Variants in DIAPH1 observed in about 807,000 individuals in gnomAD.
DIAPH1 encodes the protein protein diaphanous homolog 1.
DIAPH1 carries 46 observed loss-of-function variants against 140.7 expected under a neutral mutation model. The observed-to-expected ratio is 0.33, with a 90% CI of 0.26 to 0.42. The LOEUF (loss-of-function observed/expected upper bound fraction) is 0.42. DIAPH1 is among the 10% of genes least tolerant of loss of function. The probability of loss-of-function intolerance (pLI) is 1.00; values close to 1 mark genes in which losing one functional copy is unlikely to be tolerated. For missense variants in DIAPH1, 1,310 were observed against 1,558.7 expected (o/e 0.84, Z 2.69); for synonymous variants, 565 against 551.6 (o/e 1.02, Z -0.34).
At chr5:141,559,857 C>A (rs1416858787) in intron 18 of DIAPH1, among the ~76,000 whole-genome samples, 1 of 152,138 alleles carries the variant, frequency 6.6e-6, no homozygotes, top group African/African-American at 2.4e-5. Context: ...AAATAAAACT[C>A]TTTTCCTGGA....
chr5:141,601,256 A>T (rs2099900107), intron 1 of DIAPH1, among the ~76,000 whole-genome samples: 1 of 151,180 alleles, frequency 6.6e-6, no homozygotes, highest in African/African-American at 2.4e-5. Context: ...AAATAAAATA[A>T]AAATAAAATC....
At chr5:141,597,206 G>A (rs1279611922) in intron 1 of DIAPH1, among the ~76,000 whole-genome samples, 1 of 152,088 alleles carries the variant, frequency 6.6e-6, no homozygotes, top group Non-Finnish European at 1.5e-5. Flanking sequence ...ATTATTCAAA[G>A]GCATATAATG....
At chr5:141,589,729 T>C (rs1436999774) in intron 1 of DIAPH1, among the ~76,000 whole-genome samples, 1 of 152,126 alleles carries the variant, frequency 6.6e-6, no homozygotes, top group Non-Finnish European at 1.5e-5. Flanking sequence ...ATGGATCATA[T>C]GACTGTCCAG....
At chr5:141,527,527 T>C (rs756130088) in intron 24 of DIAPH1, 46 bp downstream of exon 24, 1 of 1,608,912 alleles carries the variant, frequency 6.2e-7, no homozygotes. Flanking sequence ...CAGGAAGTTT[T>C]CTTTCCCTTC....
intron 1 of DIAPH1, among the ~76,000 whole-genome samples, chr5:141,588,757 C>T (rs560797178): frequency 2.6e-5 from 4 of 152,294 alleles, no homozygotes; most frequent in Admixed American, 1.3e-4. Context: ...TACAACGCAA[C>T]ACATCAATTT....
At chr5:141,538,498 A>C (rs950203365) in intron 18 of DIAPH1, among the ~76,000 whole-genome samples, 15 of 151,468 alleles carry the variant, frequency 9.9e-5, no homozygotes, top group Non-Finnish European at 1.9e-4. Context: ...GATTATAGGT[A>C]CCCACCACCA....
intron 19 of DIAPH1, 91 bp downstream of exon 19, chr5:141,534,244 T>A: frequency 9.9e-7 from 1 of 1,008,776 alleles, no homozygotes; most frequent in South Asian, 1.3e-5. Context: ...CAATTAAAGT[T>A]CCATATCAAG....
At chr5:141,576,371 AAC>A in intron 13 of DIAPH1, 77 bp from the exon 14 acceptor site, 1 of 1,131,918 alleles carries the variant, frequency 8.8e-7, no homozygotes, top group Non-Finnish European at 1.3e-6. Flanking sequence ...CCTTCCAAAG[AAC>A]AGTCTTTTTG....
intron 24 of DIAPH1, among the ~76,000 whole-genome samples, chr5:141,527,301 G>C (rs1206936443): frequency 6.6e-6 from 1 of 152,134 alleles, no homozygotes; most frequent in Non-Finnish European, 1.5e-5. Context: ...TGTAGTCCCA[G>C]CTACCAAGGA....
intron 3 of DIAPH1, among the ~76,000 whole-genome samples, chr5:141,586,084 C>T (rs2099897498): frequency 6.6e-6 from 1 of 152,152 alleles, no homozygotes; most frequent in African/African-American, 2.4e-5. Flanking sequence ...ATGCCAAAAG[C>T]CTCTCTTCAA....
At chr5:141,528,392 GT>G in intron 23 of DIAPH1, 60 bp downstream of exon 23, 1 of 1,610,390 alleles carries the variant, frequency 6.2e-7, no homozygotes, top group Non-Finnish European at 8.5e-7. Flanking sequence ...TCTAGACTGT[GT>G]CTTATTTCCC....
At chr5:141,518,735 C>T in intron 27 of DIAPH1, 1 of 606,322 alleles carries the variant, frequency 1.6e-6, no homozygotes, top group Non-Finnish European at 2.9e-6. Flanking sequence ...GTTGTCTAGG[C>T]TGGTCTTGAA....
intron 19 of DIAPH1, among the ~76,000 whole-genome samples, chr5:141,531,605 A>C (rs1423089471): frequency 6.6e-6 from 1 of 152,122 alleles, no homozygotes; most frequent in African/African-American, 2.4e-5. Flanking sequence ...CTCCTGCCTC[A>C]GCCCCATGAG....
chr5:141,612,393 G>C lies in DIAPH1; in HGVS notation c.117+6405C>G, dbSNP rs548452875. On this transcript the variant is annotated intron_variant, in intron 1 of 27. Coordinates refer to ENST00000389054, the MANE Select transcript of DIAPH1 (RefSeq NM_005219.5). ...ACAAAAACTGCACTCCCAAAACTGG[G>C]AACACCCCAAATGTCCATCAATAGG... is the stretch of plus-strand genomic sequence containing the variant. Among the ~76,000 whole-genome samples, 26 of 152,254 alleles carry C rather than the reference G, an allele frequency of 1.7e-4. No homozygotes were observed. In the East Asian group the frequency reaches 3.9e-3, roughly 23 times the overall value.
At chr5:141,530,662 C>T (rs2099888077) in intron 19 of DIAPH1, among the ~76,000 whole-genome samples, 1 of 152,118 alleles carries the variant, frequency 6.6e-6, no homozygotes, top group Admixed American at 6.5e-5. Context: ...CCAGGAAGAC[C>T]CTGCTCCTCT....
At chr5:141,536,156 G>A (rs2099888982) in intron 18 of DIAPH1, 2 of 374,138 alleles carry the variant, frequency 5.3e-6, no homozygotes, top group Admixed American at 6.9e-5. Flanking sequence ...TCAAAAATTA[G>A]CCGGGCATGG....
chr5:141,612,580 C>T (rs1001710214), intron 1 of DIAPH1, among the ~76,000 whole-genome samples: 2 of 152,106 alleles, frequency 1.3e-5, no homozygotes, highest in Non-Finnish European at 2.9e-5. Context: ...TTCTAGAAAA[C>T]ACAAACTAAT....
chr5:141,519,142 G>C, intron 27 of DIAPH1: 1 of 766,052 alleles, frequency 1.3e-6, no homozygotes, highest in Admixed American at 2.2e-5. Flanking sequence ...CCCCGTGACT[G>C]AGACAAGTGA....
At position 141,527,748 on chromosome 5, in the gene DIAPH1, A is replaced by G; in HGVS notation, c.3149-51T>C. The G allele has an allele frequency of 4.6e-6, 7 of 1,522,710 alleles. 1 individual carries two copies. The highest frequency in any genetic ancestry group is 6.1e-6 in the Non-Finnish European group (7 of 1,138,254). 94.3% of individuals were successfully genotyped at this position (1,522,710 alleles called of 1,614,324 possible). On this transcript the variant is annotated intron_variant, in intron 23 of 27. Transcript: ENST00000389054. ...CCATAAAAACAGACAGCAAGAGCTT[A>G]CTAATAATCCCAGCCTCAACACCCC...
Sources: gnomAD v4.1 joint callset for allele counts (sites outside exome capture counted in the v4.1 genomes callset) on GRCh38, gnomAD v4.1.1 for gene constraint, MANE v1.5 for transcripts, NCBI Gene and HGNC (gene_info 2026-07-23, HGNC 2026-07-21) for gene names.